Variants in KIAA1549L observed in about 807,000 individuals in gnomAD.
KIAA1549L encodes the protein UPF0606 protein KIAA1549L.
Under a neutral mutation model 160.7 loss-of-function variants are expected in KIAA1549L, and 88 were observed. That is an observed-to-expected ratio of 0.55 (90% CI 0.46 to 0.65). The LOEUF (loss-of-function observed/expected upper bound fraction) is 0.65, where lower values mean the gene tolerates loss of function less well. Among genes scored for constraint, KIAA1549L ranks in the 30% least tolerant of loss-of-function variants. The pLI is 0.00. For synonymous variants in KIAA1549L, 950 were observed against 976.7 expected (o/e 0.97, Z 0.51); for missense variants, 2,258 against 2,437.5 (o/e 0.93, Z 1.55).
chr11:33,547,670 C>G, intron 3 of KIAA1549L, 94 bp from the exon 4 acceptor site: 2 of 765,388 alleles, frequency 2.6e-6, no homozygotes, highest in Non-Finnish European at 4.5e-6. Flanking sequence ...CTGCCCAGAA[C>G]TTGCAGAAGG....
At chr11:33,457,494 C>T (rs368315962) in intron 1 of KIAA1549L, among the ~76,000 whole-genome samples, 4 of 152,182 alleles carry the variant, frequency 2.6e-5, no homozygotes, top group African/African-American at 9.7e-5. Flanking sequence ...TTCTCAGCTG[C>T]GAACCTTGAC....
intron 11 of KIAA1549L, among the ~76,000 whole-genome samples, chr11:33,587,019 G>A (rs1288692454): frequency 6.6e-6 from 1 of 152,140 alleles, no homozygotes; most frequent in Non-Finnish European, 1.5e-5. Flanking sequence ...ACAACAATAG[G>A]AAAGTTACTT....
rs751452073 is a variant in KIAA1549L at position 33,673,926 on chromosome 11, A to G, written c.*5772A>G. 3.9e-5 allele frequency: 6 copies of G among 152,256 alleles called. No homozygotes were observed. Among genetic ancestry groups the G allele is most frequent in the Non-Finnish European group, 7.3e-5 (5 of 68,046 alleles). 9.4% of individuals were successfully genotyped at this position (152,256 alleles called of 1,614,324 possible). On this transcript the variant is annotated 3_prime_UTR_variant, in exon 21 of 21. Transcript: ENST00000658780. ...CCAACCGGTGAGTCTTTAAAACCATATTAGACACATTGGGCAAAGTACTGA... is the reference window on the plus strand; with the variant it reads ...CCAACCGGTGAGTCTTTAAAACCATGTTAGACACATTGGGCAAAGTACTGA...
chr11:33,635,740 T>C (rs1851419931), intron 16 of KIAA1549L, among the ~76,000 whole-genome samples: 1 of 151,944 alleles, frequency 6.6e-6, no homozygotes, highest in African/African-American at 2.4e-5. Context: ...AAATGTCTTT[T>C]ACTGTTGAAG....
chr11:33,533,185 C>A (rs1018313439), intron 1 of KIAA1549L, among the ~76,000 whole-genome samples: 2 of 152,156 alleles, frequency 1.3e-5, no homozygotes, highest in Non-Finnish European at 2.9e-5. Context: ...CTGTTTGCTA[C>A]ATGGCGGGAA....
At chr11:33,454,054 A>C (rs752789500) in intron 1 of KIAA1549L, among the ~76,000 whole-genome samples, 2 of 152,242 alleles carry the variant, frequency 1.3e-5, no homozygotes, top group Non-Finnish European at 2.9e-5. Flanking sequence ...AATCACAGTT[A>C]AGGGCAAGCA....
intron 3 of KIAA1549L, among the ~76,000 whole-genome samples, chr11:33,545,852 AT>A (rs1673698821): frequency 6.6e-6 from 1 of 152,232 alleles, no homozygotes; most frequent in African/African-American, 2.4e-5. Flanking sequence ...GGTTTGTAAG[AT>A]ACAACATCTT....
At chr11:33,583,040 C>T (rs1165886080) in intron 10 of KIAA1549L, among the ~76,000 whole-genome samples, 1 of 152,188 alleles carries the variant, frequency 6.6e-6, no homozygotes, top group Non-Finnish European at 1.5e-5. Flanking sequence ...ATCTTTTTCT[C>T]CTCTTCCTCT....
intron 10 of KIAA1549L, among the ~76,000 whole-genome samples, chr11:33,577,786 ACTT>A (rs1435749970): frequency 6.6e-6 from 1 of 151,946 alleles, no homozygotes; most frequent in Non-Finnish European, 1.5e-5. Context: ...TGTCCACACC[ACTT>A]CTTCTCTTTT....
At chr11:33,521,532 T>G (rs999018023) in intron 1 of KIAA1549L, among the ~76,000 whole-genome samples, 6 of 152,248 alleles carry the variant, frequency 3.9e-5, no homozygotes, top group Non-Finnish European at 8.8e-5. Flanking sequence ...GTTTCATGTC[T>G]GGCATGTGGC....
At chr11:33,384,578 G>T (rs1850135239) in intron 1 of KIAA1549L, among the ~76,000 whole-genome samples, 1 of 152,198 alleles carries the variant, frequency 6.6e-6, no homozygotes, top group Admixed American at 6.5e-5. Flanking sequence ...AGTTCTAGTT[G>T]TTCCTCTGTA....
intron 4 of KIAA1549L, among the ~76,000 whole-genome samples, chr11:33,550,053 A>C (rs997750605): frequency 6.6e-6 from 1 of 151,498 alleles, no homozygotes; most frequent in Non-Finnish European, 1.5e-5. Flanking sequence ...AAAAAAAAAA[A>C]ACACAAAATG....
At chr11:33,517,694 T>A (rs1853380118) in intron 1 of KIAA1549L, among the ~76,000 whole-genome samples, 2 of 152,154 alleles carry the variant, frequency 1.3e-5, no homozygotes, top group Non-Finnish European at 2.9e-5. Flanking sequence ...CACCCATTTT[T>A]AGGAAATACA....
rs564929477 is a variant in KIAA1549L, at chr11:33,673,921, A to T, written c.*5767A>T. On this transcript the variant is annotated 3_prime_UTR_variant, in exon 21 of 21. Coordinates refer to ENST00000658780, the MANE Select transcript of KIAA1549L (RefSeq NM_012194.3). The stretch of plus-strand genomic sequence containing the variant: ...AAACCCCAACCGGTGAGTCTTTAAA[A>T]CCATATTAGACACATTGGGCAAAGT... The T allele has an allele frequency of 2.6e-5, 4 of 152,300 alleles. No individual in the cohort carries two copies. The highest frequency in any genetic ancestry group is 9.6e-5 in the African/African-American group (4 of 41,566). The allele number at this position is 152,300 out of a possible 1,614,324, so 9.4% of individuals were successfully genotyped here. A position where few individuals can be genotyped will look rare whatever the true frequency, so the allele number is the denominator to read the frequency against.
intron 1 of KIAA1549L, among the ~76,000 whole-genome samples, chr11:33,430,085 T>C: frequency 7.8e-6 from 1 of 128,004 alleles, no homozygotes; most frequent in African/African-American, 2.9e-5. Context: ...CTTCCCTCCC[T>C]CCCTCTCTCC....
At chr11:33,431,819 G>A (rs1851250829) in intron 1 of KIAA1549L, among the ~76,000 whole-genome samples, 1 of 152,212 alleles carries the variant, frequency 6.6e-6, no homozygotes, top group African/African-American at 2.4e-5. Flanking sequence ...GGGAGGCTCG[G>A]GCTGCACAGG....
At chr11:33,426,851 T>C (rs754284244) in intron 1 of KIAA1549L, among the ~76,000 whole-genome samples, 6 of 152,182 alleles carry the variant, frequency 3.9e-5, no homozygotes, top group Non-Finnish European at 8.8e-5. Context: ...CCTCCAGATC[T>C]GGCCCCTCCA....
chr11:33,628,332 G>T (rs1324165608), intron 16 of KIAA1549L, among the ~76,000 whole-genome samples: 4 of 151,670 alleles, frequency 2.6e-5, no homozygotes, highest in African/African-American at 9.7e-5. Context: ...TCAATTCCTG[G>T]ATATCCTTGT....
chr11:33,481,370 T>G (rs576198680), intron 1 of KIAA1549L, among the ~76,000 whole-genome samples: 1 of 152,368 alleles, frequency 6.6e-6, no homozygotes, highest in Admixed American at 6.5e-5. Flanking sequence ...GTGGTACATG[T>G]AGAAGTTTGT....
Sources: allele counts gnomAD v4.1 joint callset (sites outside exome capture counted in the v4.1 genomes callset), GRCh38; gene constraint gnomAD v4.1.1; transcripts MANE v1.5; gene names NCBI Gene and HGNC (gene_info 2026-07-23, HGNC 2026-07-21).